The following GLMN variants were observed in gnomAD, a reference collection of about 807,000 sequenced individuals.
GLMN encodes the protein glomulin.
GLMN carries 75 observed loss-of-function variants against 87.8 expected under a neutral mutation model. The observed-to-expected ratio is 0.85, with a 90% CI of 0.71 to 1.04. The LOEUF is 1.04. Among genes scored for constraint, GLMN ranks in the 50% least tolerant of loss-of-function variants. The pLI is 0.00. For missense variants in GLMN, 588 were observed against 658.8 expected (o/e 0.89, Z 1.18); for synonymous variants, 206 against 221.6 (o/e 0.93, Z 0.63).
At chr1:92,300,314 AATG>A, upstream of GLMN, 1 of 1,177,112 alleles carries the variant, frequency 8.5e-7, no homozygotes, top group Non-Finnish European at 1.2e-6. Context: ...TTAAAACAAT[AATG>A]GTTACCTTTT....
the GLMN span, chr1:92,333,467 G>A: frequency 1.9e-6 from 3 of 1,610,172 alleles, no homozygotes; most frequent in Non-Finnish European, 2.5e-6. Context: ...GAAAAGTTGA[G>A]TAAAGTGTAA....
chr1:92,304,197 TATG>T, the GLMN span: 2 of 1,113,612 alleles, frequency 1.8e-6, no homozygotes, highest in Non-Finnish European at 2.7e-6. Flanking sequence ...TGGCCAATGA[TATG>T]ATATGTAGAT....
the GLMN span, among the ~76,000 whole-genome samples, chr1:92,330,032 G>A: frequency 2.6e-5 from 4 of 152,170 alleles, no homozygotes; most frequent in Admixed American, 6.5e-5. Context: ...AAAAAGGTAG[G>A]AGTGGACCAC....
At chr1:92,318,846 T>C in the GLMN span, among the ~76,000 whole-genome samples, 1 of 152,344 alleles carries the variant, frequency 6.6e-6, no homozygotes, top group South Asian at 2.1e-4. Context: ...GTGAGAGCCA[T>C]TTCAGGAGAG....
chr1:92,286,942 A>G lies in GLMN; in HGVS notation c.633-350T>C, dbSNP rs556378570. On this transcript the variant is annotated intron_variant, in intron 6 of 18. Transcript: ENST00000370360. ...TTCCCAGCCTCCAGAACTGTGAACC[A>G]ATGAATTTCTGTTCATTATAAATCA... is the stretch of plus-strand genomic sequence containing the variant. Among the ~76,000 whole-genome samples, 32 of 152,344 alleles carry G rather than the reference A, an allele frequency of 2.1e-4. No homozygotes were observed. The South Asian group carries it at 6.6e-3, about 32-fold the overall frequency.
chr1:92,291,673 A>G (rs1649428778), intron 3 of GLMN, 136 bp from the exon 4 acceptor site: 6 of 839,048 alleles, frequency 7.2e-6, no homozygotes, highest in Non-Finnish European at 1.2e-5. Context: ...ACATTTCACC[A>G]GAGACTTTCC....
upstream of GLMN, among the ~76,000 whole-genome samples, chr1:92,301,073 T>G (rs1392232845): frequency 1.3e-5 from 2 of 152,258 alleles, no homozygotes; most frequent in African/African-American, 4.8e-5. Flanking sequence ...TGCTGAGACC[T>G]GCGTGCTAAG....
intron 1 of GLMN, 43 bp downstream of exon 1, chr1:92,298,882 C>G (rs978577728): frequency 7.4e-6 from 3 of 407,562 alleles, no homozygotes; most frequent in Non-Finnish European, 1.3e-5. Flanking sequence ...CACGGCCAAC[C>G]GCGAGCCCTG....
the GLMN span, among the ~76,000 whole-genome samples, chr1:92,310,369 C>T: frequency 2.0e-5 from 3 of 152,084 alleles, no homozygotes; most frequent in South Asian, 2.1e-4. Context: ...GCTTGTCTAG[C>T]TATTGCACAT....
At chr1:92,311,754 T>A in the GLMN span, among the ~76,000 whole-genome samples, 2 of 152,232 alleles carry the variant, frequency 1.3e-5, no homozygotes, top group Admixed American at 6.5e-5. Flanking sequence ...GGATTTTGTT[T>A]CCCAGTGTAT....
At chr1:92,269,664 T>G in intron 9 of GLMN, 59 bp downstream of exon 9, 7 of 1,109,238 alleles carry the variant, frequency 6.3e-6, no homozygotes, top group Non-Finnish European at 9.7e-6. Context: ...CCGCTGATCT[T>G]AACAAGGACT....
At chr1:92,365,264 C>T in the GLMN span, among the ~76,000 whole-genome samples, 1 of 152,118 alleles carries the variant, frequency 6.6e-6, no homozygotes, top group Non-Finnish European at 1.5e-5. Context: ...CCGATTTCTT[C>T]CAAAAGTGTA....
Position 92,262,943 on chromosome 1 carries a change from T to C in GLMN, c.1410-17A>G, listed in dbSNP as rs751242800. On this transcript the variant is annotated splice_polypyrimidine_tract_variant and intron_variant, in intron 15 of 18. Coordinates refer to ENST00000370360, the MANE Select transcript of GLMN (RefSeq NM_053274.3). ...GCCATAATCCTGTTAATTAAAAATA[T>C]ATGTTACTTACAGTATGGTTTTATA... The C allele has an allele frequency of 1.3e-5, 12 of 937,794 alleles. No homozygotes were observed. The highest frequency in any genetic ancestry group is 1.6e-5 in the African/African-American group (1 of 62,520). The allele number at this position is 937,794 out of a possible 1,614,324, so 58.1% of individuals were successfully genotyped here. A position where few individuals can be genotyped will look rare whatever the true frequency, so the allele number is the denominator to read the frequency against.
At chr1:92,306,367 TTATG>T in the GLMN span, among the ~76,000 whole-genome samples, 1 of 152,200 alleles carries the variant, frequency 6.6e-6, no homozygotes, top group Admixed American at 6.5e-5. Context: ...AAATTTTAGA[TTATG>T]TATATTTTAC....
At chr1:92,246,958 A>G in intron 18 of GLMN, 104 bp downstream of exon 18, 1 of 764,546 alleles carries the variant, frequency 1.3e-6, no homozygotes. Context: ...AGGGAGTTGA[A>G]GCTGCAGTGA....
chr1:92,317,333 C>G, the GLMN span, among the ~76,000 whole-genome samples: 1 of 151,972 alleles, frequency 6.6e-6, no homozygotes, highest in Non-Finnish European at 1.5e-5. Context: ...ATGGTGAAAC[C>G]CCATCTCTAC....
At chr1:92,291,698 A>G (rs540012949) in intron 3 of GLMN, among the ~76,000 whole-genome samples, 161 bp from the exon 4 acceptor site, 1 of 152,386 alleles carries the variant, frequency 6.6e-6, no homozygotes, top group African/African-American at 2.4e-5. Context: ...TTGGCTACTA[A>G]CAGACATCAA....
intron 7 of GLMN, among the ~76,000 whole-genome samples, chr1:92,285,593 C>T (rs2391161): frequency 0.48 from 72,191 of 151,644 alleles, 18,124 homozygotes; most frequent in East Asian, 0.96. Context: ...TGCACATGTA[C>T]CCTAGAACTT....
At chr1:92,360,557 G>A in the GLMN span, among the ~76,000 whole-genome samples, 2 of 152,164 alleles carry the variant, frequency 1.3e-5, no homozygotes, top group Non-Finnish European at 2.9e-5. Context: ...GACAGGCAAG[G>A]CTGGAAGAAC....
Sources: gnomAD v4.1 joint callset for allele counts (sites outside exome capture counted in the v4.1 genomes callset) on GRCh38, gnomAD v4.1.1 for gene constraint, MANE v1.5 for transcripts, NCBI Gene and HGNC (gene_info 2026-07-23, HGNC 2026-07-21) for gene names.